The following OSBPL3 variants were observed in gnomAD, a reference collection of about 807,000 sequenced individuals.
OSBPL3 encodes oxysterol binding protein like 3.
Under a neutral mutation model 120.1 loss-of-function variants are expected in OSBPL3, and 65 were observed. The observed-to-expected ratio is 0.54, with a 90% confidence interval of 0.44 to 0.67. The LOEUF (loss-of-function observed/expected upper bound fraction) is 0.67. Ranked by LOEUF, OSBPL3 falls within the 30% of genes least tolerant of loss-of-function variation. OSBPL3 has a pLI of 0.00. For missense variants in OSBPL3, 1,004 were observed against 1,082.1 expected (o/e 0.93, Z 1.01); for synonymous variants, 416 against 402.6 (o/e 1.03, Z -0.40).
chr7:24,841,003 G>T (rs1229135154), intron 13 of OSBPL3, among the ~76,000 whole-genome samples: 1 of 152,158 alleles, frequency 6.6e-6, no homozygotes, highest in African/African-American at 2.4e-5. Context: ...TTCTCACAAG[G>T]AAAACAGCAA....
Position 24,822,426 on chromosome 7 carries a change from A to C in OSBPL3, c.1885-2188T>G, listed in dbSNP as rs1197334945. On this transcript the variant is annotated intron_variant, in intron 16 of 22. Transcript: ENST00000313367. The surrounding 1 kb of genome is among the most constrained non-coding windows in gnomAD (Gnocchi z 5.8). ...ACCAGCCTGGGCAACATAGTGAGAC[A>C]CTATCTATAATAATAATAACCATTA... 6.6e-6 allele frequency among the ~76,000 whole-genome samples: 1 copy of C among 152,130 alleles called. No individual in the cohort carries two copies. The highest frequency in any genetic ancestry group is 6.5e-5 in the Admixed American group (1 of 15,274).
chr7:24,948,100 C>T (rs1338713722), intron 1 of OSBPL3, among the ~76,000 whole-genome samples: 1 of 152,188 alleles, frequency 6.6e-6, no homozygotes, highest in African/African-American at 2.4e-5. Context: ...AACAAGGACA[C>T]ATCACAGAGA....
At chr7:24,923,232 G>C (rs554182766) in intron 1 of OSBPL3, among the ~76,000 whole-genome samples, 1 of 152,234 alleles carries the variant, frequency 6.6e-6, no homozygotes, top group African/African-American at 2.4e-5. Context: ...AGCTCCTCAG[G>C]ACTGGGGAGT....
chr7:24,866,137 T>TG lies in OSBPL3; in HGVS notation c.481dup (p.His161ProfsTer17). ...TGTGATGGTGGACCCTGAGAAAAAG[T>TG]GGTTAACTTCATGTGGAAACATGGC... On this transcript the variant is annotated frameshift_variant, in exon 6 of 23. Transcript: ENST00000313367. LOFTEE classifies it high-confidence loss of function. 1 of 1,613,628 alleles carries TG rather than the reference T, an allele frequency of 6.2e-7. No homozygotes were observed. Among genetic ancestry groups the TG allele is most frequent in the Non-Finnish European group, 8.5e-7 (1 of 1,179,572 alleles).
intron 12 of OSBPL3, among the ~76,000 whole-genome samples, chr7:24,846,893 T>A (rs749083327): frequency 7.2e-5 from 11 of 151,766 alleles, no homozygotes; most frequent in Non-Finnish European, 1.5e-4. Context: ...TGAAACCCTG[T>A]CTCTACTAAA....
At chr7:24,935,184 T>C (rs956508501) in intron 1 of OSBPL3, among the ~76,000 whole-genome samples, 2 of 152,174 alleles carry the variant, frequency 1.3e-5, no homozygotes, top group African/African-American at 4.8e-5. Context: ...TGAAGAAATA[T>C]ATATTCACAA....
chr7:24,929,969 C>A, intron 1 of OSBPL3, among the ~76,000 whole-genome samples: 1 of 152,066 alleles, frequency 6.6e-6, no homozygotes, highest in East Asian at 1.9e-4. Flanking sequence ...CCAACCAAAT[C>A]CCCAAAGTTA....
In OSBPL3 at chr7:24,916,921, C is replaced by CCCT. The variant is rs71309069; in HGVS notation, c.-149-24301_-149-24300insAGG. ...CACTAAGACGTCTTCCATTTCCACC[C>CCCT]CCCCCAACCTTTTTAGAAAATTAAA... On this transcript the variant is annotated intron_variant, in intron 1 of 22. Coordinates refer to ENST00000313367, the MANE Select transcript of OSBPL3 (RefSeq NM_015550.4). This position sits in a 1 kb window ranked among gnomAD's most constrained non-coding sequence, Gnocchi z 4.9. 6.7e-6 allele frequency among the ~76,000 whole-genome samples: 1 copy of CCCT among 149,468 alleles called. No homozygotes were observed. The highest frequency in any genetic ancestry group is 1.5e-5 in the Non-Finnish European group (1 of 67,784).
chr7:24,843,167 A>G (rs1302641070), intron 12 of OSBPL3, among the ~76,000 whole-genome samples: 5 of 152,172 alleles, frequency 3.3e-5, no homozygotes, highest in Non-Finnish European at 5.9e-5. Flanking sequence ...GGATATAACA[A>G]TGAACCAGAC....
At chr7:24,979,852 C>T (rs1376244529) in intron 1 of OSBPL3, 34 bp downstream of exon 1, 3 of 978,642 alleles carry the variant, frequency 3.1e-6, no homozygotes, top group Non-Finnish European at 3.6e-6. Flanking sequence ...CCCCGACACC[C>T]AGGCCCCATT....
In OSBPL3 at chr7:24,952,546, A is replaced by C. The variant is rs1386377758; in HGVS notation, c.-150+27340T>G. ...TGAAATTTTAGATGTTGCTCTATAA[A>C]TATGGAAAGATGCTCATATGAGCCA... On this transcript the variant is annotated intron_variant, in intron 1 of 22. Coordinates refer to ENST00000313367, the MANE Select transcript of OSBPL3 (RefSeq NM_015550.4). This position sits in a 1 kb window ranked among gnomAD's most constrained non-coding sequence, Gnocchi z 4.4. Among the ~76,000 whole-genome samples, 1 of 152,222 alleles carries C rather than the reference A, an allele frequency of 6.6e-6. No homozygotes were observed. Among genetic ancestry groups the C allele is most frequent in the Non-Finnish European group, 1.5e-5 (1 of 68,034 alleles).
intron 11 of OSBPL3, among the ~76,000 whole-genome samples, chr7:24,850,233 T>G (rs1274735870): frequency 6.6e-6 from 1 of 152,106 alleles, no homozygotes; most frequent in Admixed American, 6.6e-5. Flanking sequence ...TATCTCAACC[T>G]CTCAACTAGG....
At chr7:24,925,212 A>G (rs1277843508) in intron 1 of OSBPL3, among the ~76,000 whole-genome samples, 1 of 152,196 alleles carries the variant, frequency 6.6e-6, no homozygotes. Flanking sequence ...CCGCTGTGAT[A>G]ACAAACCTCC....
intron 1 of OSBPL3, among the ~76,000 whole-genome samples, chr7:24,963,287 G>T (rs931008438): frequency 4.6e-5 from 7 of 152,278 alleles, no homozygotes; most frequent in African/African-American, 1.7e-4. Context: ...CAAAGAAGGG[G>T]GTGTTGGAGT....
At chr7:24,903,447 G>A (rs1017884783) in intron 1 of OSBPL3, among the ~76,000 whole-genome samples, 2 of 152,250 alleles carry the variant, frequency 1.3e-5, no homozygotes, top group Non-Finnish European at 2.9e-5. Context: ...ATTCCTGGGA[G>A]AGCGCACTTG....
intron 1 of OSBPL3, among the ~76,000 whole-genome samples, chr7:24,977,230 A>T (rs1817679789): frequency 6.6e-6 from 1 of 152,184 alleles, no homozygotes; most frequent in South Asian, 2.1e-4. Flanking sequence ...CTGTATTAAA[A>T]GTCCCCAGTC....
Position 24,937,242 on chromosome 7 carries a change from C to T in OSBPL3, c.-150+42644G>A, listed in dbSNP as rs6973135. ...ATCATGAGAACAGGATGGAGGGAAC[C>T]TCTCCCATAATTCAATTTTCTCCCA... On this transcript the variant is annotated intron_variant, in intron 1 of 22. Transcript: ENST00000313367. This position sits in a 1 kb window ranked among gnomAD's most constrained non-coding sequence, Gnocchi z 4.0. 0.021 allele frequency among the ~76,000 whole-genome samples: 3,122 copies of T among 152,248 alleles called. 99 individuals are homozygous for T. Among genetic ancestry groups the T allele is most frequent in the African/African-American group, 0.07 (2,910 of 41,500 alleles).
intron 2 of OSBPL3, among the ~76,000 whole-genome samples, chr7:24,884,958 C>T (rs957185864): frequency 1.4e-4 from 21 of 152,024 alleles, no homozygotes; most frequent in African/African-American, 4.3e-4. Flanking sequence ...GATGCTAAAT[C>T]TTAGTATCTC....
rs1016576018 is a variant in OSBPL3 at position 24,824,952 on chromosome 7, G to A, written c.1885-4714C>T. Among the ~76,000 whole-genome samples, 1 of 152,216 alleles carries A rather than the reference G, an allele frequency of 6.6e-6. No homozygotes were observed. Among genetic ancestry groups the A allele is most frequent in the African/African-American group, 2.4e-5 (1 of 41,454 alleles). On this transcript the variant is annotated intron_variant, in intron 16 of 22. Coordinates refer to ENST00000313367, the MANE Select transcript of OSBPL3 (RefSeq NM_015550.4). The surrounding 1 kb of genome is among the most constrained non-coding windows in gnomAD (Gnocchi z 4.9). ...AAGGCCAATGGCTGGAAAATGCTTG[G>A]TATGAAGCAGAAGAAGCAAGGCCAG...
Sources: allele counts gnomAD v4.1 joint callset (sites outside exome capture counted in the v4.1 genomes callset), GRCh38; gene constraint gnomAD v4.1.1; non-coding constraint Gnocchi (gnomAD v3.1); transcripts MANE v1.5; gene names NCBI Gene and HGNC (gene_info 2026-07-23, HGNC 2026-07-21).